ZNF407: variants seen among roughly 807,000 people sequenced by gnomAD.
The protein encoded by ZNF407 is zinc finger protein 407.
In ZNF407, 17 loss-of-function variants were observed where a neutral mutation model predicts 131.2. That is an observed-to-expected ratio of 0.13 (90% CI 0.09 to 0.19). The LOEUF is 0.19. Among genes scored for constraint, ZNF407 ranks in the 10% least tolerant of loss-of-function variants. The probability of loss-of-function intolerance (pLI) is 1.00; values close to 1 mark genes in which losing one functional copy is unlikely to be tolerated. For missense variants in ZNF407, 2,681 were observed against 2,830.6 expected (o/e 0.95, Z 1.20); for synonymous variants, 1,156 against 1,062.0 (o/e 1.09, Z -1.72).
intron 7 of ZNF407, chr18:74,897,942 A>G (rs1265124042): frequency 1.3e-5 from 2 of 152,204 alleles, no homozygotes; most frequent in Non-Finnish European, 2.9e-5. Flanking sequence ...AAAAGTTTGT[A>G]CTTTATGTAC....
chr18:74,617,096 A>AC (rs1352602380), intron 1 of ZNF407, among the ~76,000 whole-genome samples: 23,016 of 24,262 alleles, frequency 0.95, 10,974 homozygotes, highest in South Asian at 0.96. Context: ...TCCATGCACC[A>AC]ACACATCCAT....
intron 3 of ZNF407, among the ~76,000 whole-genome samples, chr18:74,663,321 T>C (rs1384775903): frequency 6.6e-6 from 1 of 152,176 alleles, no homozygotes; most frequent in Non-Finnish European, 1.5e-5. Flanking sequence ...TGGTTTCATT[T>C]TTTAGTAAAA....
rs115368653 is a variant in ZNF407, at chr18:74,632,046, G to C, written c.1027G>C (p.Glu343Gln). 3.1e-6 allele frequency: 5 copies of C among 1,613,754 alleles called. No individual in the cohort carries two copies. Among genetic ancestry groups the C allele is most frequent in the Admixed American group, 3.3e-5 (2 of 60,006 alleles). The change falls in exon 2 of 9, where the codon GAG becomes CAG. Residue 343 changes from glutamate (E) to glutamine (Q), a missense_variant. Physicochemically the swap from Glu to Gln is conservative, Grantham distance 29. Around this residue, in one of 6 missense-constraint regions of ZNF407, gnomAD observed 1,789 missense variants for 1,748.7 expected, o/e 1.02. Coordinates refer to ENST00000299687, the MANE Select transcript of ZNF407 (RefSeq NM_017757.3). ...TTCTAAACAAAGTGGTAGTAGCAGT[G>C]AGCTTCTTGTTGAAATGATGCCTTC... ...SISKQSGSSS[E>Q]LLVEMMPSRN... is the part of the protein sequence containing the mutation.
chr18:74,852,152 A>G (rs1026368676), intron 4 of ZNF407, among the ~76,000 whole-genome samples: 48 of 147,230 alleles, frequency 3.3e-4, no homozygotes, highest in African/African-American at 1.2e-3. Context: ...ATCTGTATGC[A>G]TGGATGCATG....
intron 3 of ZNF407, among the ~76,000 whole-genome samples, chr18:74,758,930 G>T (rs1488006545): frequency 1.3e-5 from 2 of 152,076 alleles, no homozygotes; most frequent in African/African-American, 4.8e-5. Context: ...TACCTTTACT[G>T]GTCCTTCATT....
At chr18:74,657,946 T>G (rs1985545156) in intron 3 of ZNF407, among the ~76,000 whole-genome samples, 2 of 147,942 alleles carry the variant, frequency 1.4e-5, no homozygotes, top group Admixed American at 6.7e-5. Flanking sequence ...CCCTCCTTTC[T>G]TTTTTCTCTT....
At chr18:74,804,205 A>C (rs1970072339) in intron 4 of ZNF407, 7 of 1,337,878 alleles carry the variant, frequency 5.2e-6, no homozygotes, top group Non-Finnish European at 6.7e-6. Context: ...GATGTAAATC[A>C]TCACACAAAT....
chr18:74,817,205 C>A (rs1301507951), intron 4 of ZNF407, among the ~76,000 whole-genome samples: 1 of 152,144 alleles, frequency 6.6e-6, no homozygotes, highest in Non-Finnish European at 1.5e-5. Flanking sequence ...TCTCATTGGT[C>A]ATTTACTCTT....
intron 4 of ZNF407, among the ~76,000 whole-genome samples, chr18:74,803,787 T>C (rs1970062148): frequency 6.6e-6 from 1 of 152,192 alleles, no homozygotes. Flanking sequence ...TTACCTTGGG[T>C]CTGTGTGTCA....
rs1160410303 is a variant in ZNF407, at chr18:74,774,741, CT to C, written c.4803-6685del. ...ACGTGACGAAACACAGTGAGTGTGT[CT>C]TATAGACTGTGTAGTAGATATTACT... On this transcript the variant is annotated intron_variant, in intron 3 of 8. Transcript: ENST00000299687. Among the ~76,000 whole-genome samples the C allele has an allele frequency of 3.3e-5, 5 of 152,228 alleles. No individual in the cohort carries two copies. In the East Asian group the frequency reaches 9.7e-4, roughly 29 times the overall value.
chr18:74,936,364 A>C (rs1324516837), intron 8 of ZNF407, among the ~76,000 whole-genome samples: 1 of 152,192 alleles, frequency 6.6e-6, no homozygotes, highest in Non-Finnish European at 1.5e-5. Flanking sequence ...TGCAGACAAA[A>C]TGGAATGTTT....
chr18:74,685,134 A>G (rs554994475), intron 3 of ZNF407, among the ~76,000 whole-genome samples: 2 of 152,278 alleles, frequency 1.3e-5, no homozygotes, highest in South Asian at 4.1e-4. Context: ...TCAAAGTCTT[A>G]AGGATTATAG....
chr18:75,057,979 G>C (rs201855132), intron 8 of ZNF407, among the ~76,000 whole-genome samples: 5 of 152,082 alleles, frequency 3.3e-5, no homozygotes, highest in African/African-American at 1.2e-4. Context: ...AAAGCGTAAG[G>C]TATTTATTCT....
Position 74,781,409 on chromosome 18 carries a change from AC to A in ZNF407, c.4803-18del. 1 of 1,504,512 alleles carries A rather than the reference AC, an allele frequency of 6.6e-7. No homozygotes were observed. Among genetic ancestry groups the A allele is most frequent in the Non-Finnish European group, 9.0e-7 (1 of 1,114,286 alleles). The allele number at this position is 1,504,512 out of a possible 1,614,324, so 93.2% of individuals were successfully genotyped here. Reference sequence around the variant, plus strand: ...AGAGTCAAGTTTTAGTTTTATAATTACTTTTGTTTATTTTTTAGGGTTGCTT... The same window carrying A: ...AGAGTCAAGTTTTAGTTTTATAATTATTTTGTTTATTTTTTAGGGTTGCTT... On this transcript the variant is annotated intron_variant, in intron 3 of 8. Coordinates refer to ENST00000299687, the MANE Select transcript of ZNF407 (RefSeq NM_017757.3).
chr18:74,739,740 TA>T (rs560288063), intron 3 of ZNF407, among the ~76,000 whole-genome samples: 4 of 151,890 alleles, frequency 2.6e-5, no homozygotes, highest in African/African-American at 4.8e-5. Context: ...GTTTTTGAGA[TA>T]AAAAAATGCT....
intron 8 of ZNF407, among the ~76,000 whole-genome samples, chr18:74,953,760 T>A (rs1204245545): frequency 6.6e-6 from 1 of 152,248 alleles, no homozygotes; most frequent in Admixed American, 6.5e-5. Context: ...TACCACTACC[T>A]TTTACCAGCT....
At chr18:74,779,116 T>A (rs1238629058) in intron 3 of ZNF407, among the ~76,000 whole-genome samples, 95 of 82,950 alleles carry the variant, frequency 1.1e-3, no homozygotes, top group African/African-American at 2.9e-3. Context: ...TATATTTTTT[T>A]TTTTTTTTTT....
In ZNF407 at chr18:74,942,469, C is replaced by T. The variant is rs563896930; in HGVS notation, c.5428+21777C>T. Among the ~76,000 whole-genome samples, 17 of 152,260 alleles carry T rather than the reference C, an allele frequency of 1.1e-4. No individual in the cohort carries two copies. The South Asian group carries it at 2.5e-3, about 22-fold the overall frequency. ...CTAAACAGGAAACCCAGTCTTGATG[C>T]GAATCAAGCATGACTGGAGAACAGA... On this transcript the variant is annotated intron_variant, in intron 8 of 8. Transcript: ENST00000299687.
rs1252420079 is a variant in ZNF407, at chr18:74,739,520, A to ATATG, written c.4803-41892_4803-41889dup. Among the ~76,000 whole-genome samples the ATATG allele has an allele frequency of 7.9e-5, 12 of 151,584 alleles. No individual in the cohort carries two copies. In the South Asian group the frequency reaches 1.0e-3, roughly 13 times the overall value. On this transcript the variant is annotated intron_variant, in intron 3 of 8. Transcript: ENST00000299687. ...TCCTTTTATTTATATTTATATATAT[A>ATATG]TATGTATGTATGTATGTATTTAAAG...
Sources: allele counts gnomAD v4.1 joint callset (sites outside exome capture counted in the v4.1 genomes callset), GRCh38; gene constraint gnomAD v4.1.1; regional missense constraint gnomAD v4.1.1; transcripts MANE v1.5; gene names NCBI Gene and HGNC (gene_info 2026-07-23, HGNC 2026-07-21).